PSD: variants seen among roughly 807,000 people sequenced by gnomAD.
PSD encodes the protein pleckstrin and Sec7 domain containing.
Under a neutral mutation model 91.6 loss-of-function variants are expected in PSD, and 32 were observed. The observed-to-expected ratio is 0.35, with a 90% CI of 0.26 to 0.47. The LOEUF is 0.47. Ranked by LOEUF, PSD falls within the 20% of genes least tolerant of loss-of-function variation. The pLI is 1.00. For synonymous variants in PSD, 532 were observed against 569.3 expected (o/e 0.93, Z 0.93); for missense variants, 1,099 against 1,373.9 (o/e 0.80, Z 3.16).
chr10:102,415,912 C>T lies in PSD; in HGVS notation c.757+105G>A. 7.6e-6 allele frequency: 6 copies of T among 790,480 alleles called. No individual in the cohort carries two copies. In the South Asian group the frequency reaches 1.1e-4, roughly 14 times the overall value. The allele number at this position is 790,480 out of a possible 1,614,324, so 49.0% of individuals were successfully genotyped here. A position where few individuals can be genotyped will look rare whatever the true frequency, so the allele number is the denominator to read the frequency against. On this transcript the variant is annotated intron_variant, in intron 3 of 16. Transcript: ENST00000020673. The stretch of plus-strand genomic sequence containing the variant: ...GGGAGACATTGGCTGACTCAAGAGC[C>T]AATTCCAAGGATTGGGGGAAGTTTG...
chr10:102,415,269 C>T (rs771466639), intron 3 of PSD, 40 bp from the exon 4 acceptor site: 11 of 1,547,712 alleles, frequency 7.1e-6, no homozygotes, highest in Admixed American at 1.8e-5. Flanking sequence ...AGGTTATCCA[C>T]GTCAGCTCCC....
chr10:102,414,281 G>A lies in PSD; in HGVS notation c.1125-84C>T. ...TTCACTGAACTCTCACACTGACTCT[G>A]CTAAGGGGATTATCATCCCCTTTTC... On this transcript the variant is annotated intron_variant, in intron 4 of 16. Transcript: ENST00000020673. The surrounding 1 kb of genome is among the most constrained non-coding windows in gnomAD (Gnocchi z 5.6). The A allele has an allele frequency of 7.9e-7, 1 of 1,269,146 alleles. No individual in the cohort carries two copies. The allele number at this position is 1,269,146 out of a possible 1,614,324, so 78.6% of individuals were successfully genotyped here. A position where few individuals can be genotyped will look rare whatever the true frequency, so the allele number is the denominator to read the frequency against.
Position 102,403,843 on chromosome 10 carries a change from T to G in PSD, c.2843A>C (p.Glu948Ala). 6.2e-7 allele frequency: 1 copy of G among 1,611,540 alleles called. No homozygotes were observed. Among genetic ancestry groups the G allele is most frequent in the Non-Finnish European group, 8.5e-7 (1 of 1,178,696 alleles). ...AGAGGGGCAGACAGGGAGGCTCACC[T>G]CAAACTCCAGGTAGGCCTCCTTCTG... ...QRQKEAYLEF[E>A]KSRYSTYAAL... is the part of the protein sequence containing the mutation. The change falls in exon 16 of 17, where the codon GAG becomes GCG. Residue 948 changes from glutamate to alanine, a missense_variant and splice_region_variant. Physicochemically the swap from Glu to Ala is moderately radical, Grantham distance 107. Transcript: ENST00000020673. The surrounding 1 kb of genome is among the most constrained non-coding windows in gnomAD (Gnocchi z 6.7).
chr10:102,412,627 C>T (rs781629250), intron 5 of PSD, 52 bp from the exon 6 acceptor site: 2 of 1,498,872 alleles, frequency 1.3e-6, no homozygotes, highest in South Asian at 2.4e-5. Flanking sequence ...TAGGAGCCAT[C>T]CAGACCCTCC....
chr10:102,413,413 C>G (rs1313142308), intron 5 of PSD, among the ~76,000 whole-genome samples: 1 of 152,086 alleles, frequency 6.6e-6, no homozygotes. Flanking sequence ...TTTGGTGAAG[C>G]CTTCAGGCTG....
In PSD at chr10:102,411,030, C is replaced by T. The variant is rs73349028; in HGVS notation, c.2001+28G>A. 1,973 of 1,612,990 alleles carry T rather than the reference C, an allele frequency of 1.2e-3. 20 individuals carry two copies. In the African/African-American group the frequency reaches 0.021, roughly 17 times the overall value. Reference sequence around the variant, plus strand: ...CATGTCTGGCCAGGGGTTTGTTTTCCGGCTCCTGCCCGCCCGCCTCCACTC... The same window carrying T: ...CATGTCTGGCCAGGGGTTTGTTTTCTGGCTCCTGCCCGCCCGCCTCCACTC... On this transcript the variant is annotated intron_variant, in intron 9 of 16. Transcript: ENST00000020673.
Position 102,414,245 on chromosome 10 carries a change from T to C in PSD, c.1125-48A>G. 1.3e-6 allele frequency: 2 copies of C among 1,501,252 alleles called. No individual in the cohort carries two copies. Among genetic ancestry groups the C allele is most frequent in the Non-Finnish European group, 1.8e-6 (2 of 1,105,618 alleles). 93.0% of individuals were successfully genotyped at this position (1,501,252 alleles called of 1,614,324 possible). ...TGATTAGGGGCCCAGATCACAGGGC[T>C]GGGGCAGGATTTCACTGAACTCTCA... On this transcript the variant is annotated intron_variant, in intron 4 of 16. Coordinates refer to ENST00000020673, the MANE Select transcript of PSD (RefSeq NM_002779.5). The surrounding 1 kb of genome is among the most constrained non-coding windows in gnomAD (Gnocchi z 5.6).
chr10:102,405,342 A>G lies in PSD; in HGVS notation c.2326+4T>C. On this transcript the variant is annotated splice_donor_region_variant and intron_variant, in intron 12 of 16. Transcript: ENST00000020673. This position sits in a 1 kb window ranked among gnomAD's most constrained non-coding sequence, Gnocchi z 5.4. ...CGCCCGCCCCCCGCAACTCGGCCAC[A>G]TACTCTTCCTGCAGTCAGGGTCTGC... is the stretch of plus-strand genomic sequence containing the variant. The G allele has an allele frequency of 1.2e-6, 2 of 1,610,210 alleles. No homozygotes were observed. Among genetic ancestry groups the G allele is most frequent in the South Asian group, 1.1e-5 (1 of 91,056 alleles).
In PSD at chr10:102,404,639, A is replaced by T; in HGVS notation, c.2644T>A (p.Ser882Thr). The change falls in exon 15 of 17, where the codon TCC becomes ACC. Residue 882 changes from serine to threonine, a missense_variant. By Grantham distance (58) the Ser-to-Thr change is moderately conservative. Transcript: ENST00000020673. This position sits in a 1 kb window ranked among gnomAD's most constrained non-coding sequence, Gnocchi z 5.7. ...AGAGGGCGGCTGAACTTCTTTTGGG[A>T]GCTAACAGCAGCTGGGAAGGGGGGC... ...SAPPFPAAVS[S>T]QKKFSRPLLP... 6.2e-7 allele frequency: 1 copy of T among 1,611,892 alleles called. No individual in the cohort carries two copies. Among genetic ancestry groups the T allele is most frequent in the Non-Finnish European group, 8.5e-7 (1 of 1,178,960 alleles).
chr10:102,410,958 G>A lies in PSD; in HGVS notation c.2002-11C>T. On this transcript the variant is annotated splice_polypyrimidine_tract_variant and intron_variant, in intron 9 of 16. Coordinates refer to ENST00000020673, the MANE Select transcript of PSD (RefSeq NM_002779.5). This position sits in a 1 kb window ranked among gnomAD's most constrained non-coding sequence, Gnocchi z 6.0. ...GCGCTTCCCGATGTTCTAAGGAAGG[G>A]AACGGAGGCCTGTGAGTTTGGAGGG... The A allele has an allele frequency of 6.2e-7, 1 of 1,613,014 alleles. No individual in the cohort carries two copies. Among genetic ancestry groups the A allele is most frequent in the African/African-American group, 1.3e-5 (1 of 75,028 alleles).
chr10:102,414,725 C>T lies in PSD; in HGVS notation c.1124+138G>A, dbSNP rs568951046. 4 of 1,173,102 alleles carry T rather than the reference C, an allele frequency of 3.4e-6. No homozygotes were observed. The Admixed American group carries it at 1.1e-4, about 32-fold the overall frequency. 72.7% of individuals were successfully genotyped at this position (1,173,102 alleles called of 1,614,324 possible). A position where few individuals can be genotyped will look rare whatever the true frequency, so the allele number is the denominator to read the frequency against. ...CAAGCCTCAGGCCTCTGTCTAGAAT[C>T]TCCTGCTATACACACTGCCCCGCCA... On this transcript the variant is annotated intron_variant, in intron 4 of 16. Transcript: ENST00000020673. This position sits in a 1 kb window ranked among gnomAD's most constrained non-coding sequence, Gnocchi z 5.6.
chr10:102,417,040 C>A lies in PSD; in HGVS notation c.-2G>T. ...GAAGCGCATGGCACCCTGGGCCATGCTGGGGCCGGGGGTCAGGCTGGGGGG... is the reference window on the plus strand; with the variant it reads ...GAAGCGCATGGCACCCTGGGCCATGATGGGGCCGGGGGTCAGGCTGGGGGG... On this transcript the variant is annotated 5_prime_UTR_variant, in exon 2 of 17. Transcript: ENST00000020673. 2 of 1,490,316 alleles carry A rather than the reference C, an allele frequency of 1.3e-6. No individual in the cohort carries two copies. Among genetic ancestry groups the A allele is most frequent in the Admixed American group, 2.1e-5 (1 of 46,884 alleles). 92.3% of individuals were successfully genotyped at this position (1,490,316 alleles called of 1,614,324 possible). A position where few individuals can be genotyped will look rare whatever the true frequency, so the allele number is the denominator to read the frequency against.
At chr10:102,407,166 C>T in intron 11 of PSD, 57 bp downstream of exon 11, 1 of 1,529,252 alleles carries the variant, frequency 6.5e-7, no homozygotes, top group Non-Finnish European at 8.9e-7. Flanking sequence ...TCAGCCTCCC[C>T]AGGCAGCCCC....
At position 102,409,203 on chromosome 10, in the gene PSD, G is replaced by GCGGCCCGGCCCGAGC; in HGVS notation, c.2091+1640_2091+1654dup. On this transcript the variant is annotated intron_variant, in intron 10 of 16. Coordinates refer to ENST00000020673, the MANE Select transcript of PSD (RefSeq NM_002779.5). This position sits in a 1 kb window ranked among gnomAD's most constrained non-coding sequence, Gnocchi z 5.7. ...TCCCCCGACAGCCAGCGCGAGCGGC[G>GCGGCCCGGCCCGAGC]CGGCCCGGCCCGAGCCGGCCCGGCT... 1 of 982,216 alleles carries GCGGCCCGGCCCGAGC rather than the reference G, an allele frequency of 1.0e-6. No homozygotes were observed. Among genetic ancestry groups the GCGGCCCGGCCCGAGC allele is most frequent in the Non-Finnish European group, 1.2e-6 (1 of 828,748 alleles). 60.8% of individuals were successfully genotyped at this position (982,216 alleles called of 1,614,324 possible).
At position 102,403,067 on chromosome 10, in the gene PSD, C is replaced by T. The variant is rs1427659524; in HGVS notation, c.*133G>A. On this transcript the variant is annotated 3_prime_UTR_variant, in exon 17 of 17. Coordinates refer to ENST00000020673, the MANE Select transcript of PSD (RefSeq NM_002779.5). This position sits in a 1 kb window ranked among gnomAD's most constrained non-coding sequence, Gnocchi z 6.7. ...CCCAGGCCCCAGCCCTGCCCTGCCC[C>T]GGACACCGCGTCCGGCGCGGTCGGG... is the stretch of plus-strand genomic sequence containing the variant. 58 of 662,788 alleles carry T rather than the reference C, an allele frequency of 8.8e-5. No homozygotes were observed. The highest frequency in any genetic ancestry group is 6.8e-4 in the South Asian group (25 of 36,764). The allele number at this position is 662,788 out of a possible 1,614,324, so 41.1% of individuals were successfully genotyped here.
rs772304389 is a variant in PSD at position 102,416,917 on chromosome 10, C to T, written c.122G>A (p.Gly41Asp). 1 of 1,607,392 alleles carries T rather than the reference C, an allele frequency of 6.2e-7. No homozygotes were observed. The highest frequency in any genetic ancestry group is 1.1e-5 in the South Asian group (1 of 90,760). The change falls in exon 2 of 17, where the codon GGC becomes GAC. Residue 41 changes from glycine (G) to aspartate (D), a missense_variant. Around this residue, in one of 3 missense-constraint regions of PSD, gnomAD observed 631 missense variants for 728.8 expected, o/e 0.87. Transcript: ENST00000020673. This position sits in a 1 kb window ranked among gnomAD's most constrained non-coding sequence, Gnocchi z 6.0. The stretch of plus-strand genomic sequence containing the variant: ...TCGCCGTAGCAAGGAGCCTGTGCTG[C>T]CATACATGCTGGCTGGGGGGCTCTG... ...VPQSPPASMY[G>D]STGSLLRRVA...
Position 102,403,253 on chromosome 10 carries a change from G to C in PSD, c.3022C>G (p.Arg1008Gly). Reference protein sequence around the residue: ...PKPSSQPRAQRHSSEPRPGAG... With the variant: ...PKPSSQPRAQGHSSEPRPGAG... Reference sequence around the variant, plus strand: ...CCTGGCCGAGGCTCTGAGCTGTGACGCTGAGCCCGGGGCTGGCTGGAGGGT... The same window carrying C: ...CCTGGCCGAGGCTCTGAGCTGTGACCCTGAGCCCGGGGCTGGCTGGAGGGT... The change falls in exon 17 of 17, where the codon CGT (arginine) becomes GGT (glycine). Residue 1008 changes from arginine (R) to glycine (G), a missense_variant. This residue lies in a region of PSD where 358 missense variants were observed against 426.5 expected (regional missense o/e 0.84). Transcript: ENST00000020673. The surrounding 1 kb of genome is among the most constrained non-coding windows in gnomAD (Gnocchi z 6.7). 2.5e-6 allele frequency: 4 copies of C among 1,606,910 alleles called. No homozygotes were observed. Among genetic ancestry groups the C allele is most frequent in the Non-Finnish European group, 3.4e-6 (4 of 1,175,418 alleles).
chr10:102,411,007 TGTCTGGCCAGGG>T, intron 9 of PSD, 39 bp downstream of exon 9: 4 of 1,612,276 alleles, frequency 2.5e-6, no homozygotes, highest in Non-Finnish European at 3.4e-6. Flanking sequence ...AGGTCCTGCA[TGTCTGGCCAGGG>T]GTTTGTTTTC....
intron 10 of PSD, among the ~76,000 whole-genome samples, chr10:102,407,825 C>T (rs1251517584): frequency 6.6e-6 from 1 of 152,118 alleles, no homozygotes; most frequent in Non-Finnish European, 1.5e-5. Flanking sequence ...TGAGGCCTCC[C>T]CCTAACCCTG....
Sources: gnomAD v4.1 joint callset for allele counts (sites outside exome capture counted in the v4.1 genomes callset) on GRCh38, gnomAD v4.1.1 for gene constraint, gnomAD v4.1.1 regional missense constraint, Gnocchi (gnomAD v3.1) non-coding constraint, MANE v1.5 for transcripts, NCBI Gene and HGNC (gene_info 2026-07-23, HGNC 2026-07-21) for gene names.